Variants in ASB3 observed in about 807,000 individuals in gnomAD.
ASB3 encodes ankyrin repeat and SOCS box protein 3.
ASB3 carries 41 observed loss-of-function variants against 54.5 expected under a neutral mutation model. The observed-to-expected ratio is 0.75, with a 90% CI of 0.59 to 0.98. The LOEUF is 0.98. Ranked by LOEUF, ASB3 falls within the 50% of genes least tolerant of loss-of-function variation. The pLI, the probability that ASB3 is intolerant of heterozygous loss-of-function variation, is 0.00. For missense variants in ASB3, 733 were observed against 620.0 expected (o/e 1.18, Z -1.94); for synonymous variants, 266 against 221.2 (o/e 1.20, Z -1.80).
chr2:53,771,015 A>G (rs1342845683), intron 1 of ASB3, among the ~76,000 whole-genome samples: 1 of 152,202 alleles, frequency 6.6e-6, no homozygotes, highest in Non-Finnish European at 1.5e-5. Flanking sequence ...TTAAAGTATG[A>G]GCCCCAGAAC....
intron 2 of ASB3, among the ~76,000 whole-genome samples, chr2:53,758,463 G>C (rs1672959388): frequency 1.3e-5 from 2 of 152,212 alleles, no homozygotes; most frequent in Non-Finnish European, 2.9e-5. Flanking sequence ...AAAAGAATTT[G>C]CATAAGAACT....
intron 8 of ASB3, among the ~76,000 whole-genome samples, chr2:53,695,943 T>C (rs1669159522): frequency 6.6e-6 from 1 of 152,170 alleles, no homozygotes; most frequent in African/African-American, 2.4e-5. Flanking sequence ...GCAACAGACC[T>C]ACATGTGATA....
chr2:53,774,499 G>A lies in ASB3; in HGVS notation c.-13-8914C>T, dbSNP rs74780760. 648 of 1,561,976 alleles carry A rather than the reference G, an allele frequency of 4.1e-4. 3 individuals carry two copies. The African/African-American group carries it at 8.2e-3, about 20-fold the overall frequency. ...AAAATTAGTAAAGGAACGTTTAGAA[G>A]GGAAACAGAACCTCAATTGCATATA... is the stretch of plus-strand genomic sequence containing the variant. On this transcript the variant is annotated intron_variant, in intron 1 of 9. Coordinates refer to ENST00000263634, the MANE Select transcript of ASB3 (RefSeq NM_016115.5).
intron 3 of ASB3, among the ~76,000 whole-genome samples, chr2:53,732,005 T>C (rs1671345883): frequency 1.3e-5 from 2 of 151,770 alleles, no homozygotes; most frequent in South Asian, 4.2e-4. Context: ...TCACCCAGGC[T>C]GGAGTGCAGT....
At chr2:53,739,589 C>T (rs755644802) in intron 3 of ASB3, among the ~76,000 whole-genome samples, 1 of 152,122 alleles carries the variant, frequency 6.6e-6, no homozygotes, top group Non-Finnish European at 1.5e-5. Flanking sequence ...GTACAAATTA[C>T]AATTATAAAC....
intron 2 of ASB3, among the ~76,000 whole-genome samples, chr2:53,755,345 T>G (rs1672756394): frequency 6.6e-6 from 1 of 152,218 alleles, no homozygotes; most frequent in Non-Finnish European, 1.5e-5. Flanking sequence ...AATAATAAAC[T>G]TGTCTATTAC....
In ASB3 at chr2:53,710,097, A is replaced by G. The variant is rs531632764; in HGVS notation, c.980+4287T>C. ...GCTTCATCTGATATTTAATGCAACT[A>G]TAAGAGAAACCTCCAAGCCTGAACT... On this transcript the variant is annotated intron_variant, in intron 7 of 9. Transcript: ENST00000263634. Among the ~76,000 whole-genome samples the G allele has an allele frequency of 3.9e-5, 6 of 152,320 alleles. No homozygotes were observed. The South Asian group carries it at 1.0e-3, about 26-fold the overall frequency.
chr2:53,722,939 C>A (rs1305916607), intron 5 of ASB3, among the ~76,000 whole-genome samples: 1 of 152,050 alleles, frequency 6.6e-6, no homozygotes, highest in Non-Finnish European at 1.5e-5. Context: ...ACCAAGAAAA[C>A]CCTGCAGACT....
intron 1 of ASB3, among the ~76,000 whole-genome samples, chr2:53,777,790 G>T (rs1439401865): frequency 6.6e-6 from 1 of 152,272 alleles, no homozygotes; most frequent in East Asian, 1.9e-4. Flanking sequence ...AAATGTGTTT[G>T]TGCCTTTTTA....
At chr2:53,705,272 CA>C (rs1181367763) in intron 7 of ASB3, among the ~76,000 whole-genome samples, 1 of 152,148 alleles carries the variant, frequency 6.6e-6, no homozygotes, top group Non-Finnish European at 1.5e-5. Flanking sequence ...GGTTCAATTA[CA>C]AGTCTCACAT....
chr2:53,769,236 C>A (rs1388536317), intron 1 of ASB3, among the ~76,000 whole-genome samples: 1 of 152,172 alleles, frequency 6.6e-6, no homozygotes, highest in South Asian at 2.1e-4. Context: ...TTTGGCTGGG[C>A]CCGGTAGCTC....
intron 2 of ASB3, among the ~76,000 whole-genome samples, chr2:53,756,108 A>G (rs1477677982): frequency 6.9e-6 from 1 of 144,690 alleles, no homozygotes; most frequent in Non-Finnish European, 1.6e-5. Flanking sequence ...GGAGGCTGCA[A>G]TGAGCCATGA....
At chr2:53,734,211 G>A (rs938423965) in intron 3 of ASB3, among the ~76,000 whole-genome samples, 2 of 151,998 alleles carry the variant, frequency 1.3e-5, no homozygotes, top group Admixed American at 6.5e-5. Flanking sequence ...CATTTTGGGG[G>A]GCCTGTTCCC....
chr2:53,749,964 A>G (rs1350750174), intron 3 of ASB3, among the ~76,000 whole-genome samples: 1 of 152,124 alleles, frequency 6.6e-6, no homozygotes, highest in Non-Finnish European at 1.5e-5. Flanking sequence ...TAAGTCCACA[A>G]GGAAAAAAAG....
chr2:53,707,177 G>A (rs955373073), intron 7 of ASB3, among the ~76,000 whole-genome samples: 17 of 152,150 alleles, frequency 1.1e-4, no homozygotes, highest in African/African-American at 3.6e-4. Flanking sequence ...GCATTTGAAG[G>A]GTGGCTAGGG....
chr2:53,727,814 C>T (rs1326880822), intron 5 of ASB3, among the ~76,000 whole-genome samples: 1 of 152,154 alleles, frequency 6.6e-6, no homozygotes, highest in Non-Finnish European at 1.5e-5. Context: ...CAACCTCTGC[C>T]TCCCAGGTTC....
chr2:53,744,071 CA>C (rs1672087655), intron 3 of ASB3, among the ~76,000 whole-genome samples: 1 of 140,834 alleles, frequency 7.1e-6, no homozygotes, highest in Non-Finnish European at 1.5e-5. Flanking sequence ...AATTAAAAGA[CA>C]TTGTGTTAAA....
chr2:53,756,356 G>T (rs1044803834), intron 2 of ASB3, among the ~76,000 whole-genome samples: 6 of 152,038 alleles, frequency 3.9e-5, no homozygotes, highest in African/African-American at 1.4e-4. Flanking sequence ...TTTGAACTAG[G>T]TTTCTTTCAC....
At chr2:53,688,385 G>C (rs934579934) in intron 9 of ASB3, among the ~76,000 whole-genome samples, 5 of 152,174 alleles carry the variant, frequency 3.3e-5, no homozygotes, top group African/African-American at 4.8e-5. Context: ...CTTCAGCAAG[G>C]AAAGGGAGAG....
Sources: allele counts gnomAD v4.1 joint callset (sites outside exome capture counted in the v4.1 genomes callset), GRCh38; gene constraint gnomAD v4.1.1; transcripts MANE v1.5; gene names NCBI Gene and HGNC (gene_info 2026-07-23, HGNC 2026-07-21).